SCN10A: variants seen among roughly 807,000 people sequenced by gnomAD.
SCN10A encodes the protein sodium voltage-gated channel alpha subunit 10.
A neutral mutation model predicts 170.7 loss-of-function variants in SCN10A; 162 were observed. The observed-to-expected ratio is 0.95, with a 90% CI of 0.84 to 1.08. The LOEUF (loss-of-function observed/expected upper bound fraction) is 1.08, where lower values mean the gene tolerates loss of function less well. Ranked by LOEUF, SCN10A falls within the 50% of genes least tolerant of loss-of-function variation. SCN10A has a pLI of 0.00. For missense variants in SCN10A, 2,527 were observed against 2,436.9 expected (o/e 1.04, Z -0.78); for synonymous variants, 985 against 904.6 (o/e 1.09, Z -1.59).
At chr3:38,778,163 C>T (rs544487528) in intron 4 of SCN10A, among the ~76,000 whole-genome samples, 1 of 151,984 alleles carries the variant, frequency 6.6e-6, no homozygotes, top group Non-Finnish European at 1.5e-5. Context: ...CCCACTTCCC[C>T]GTTTGCAGTA....
At chr3:38,782,480 T>G (rs1184116203) in intron 4 of SCN10A, among the ~76,000 whole-genome samples, 2 of 152,098 alleles carry the variant, frequency 1.3e-5, no homozygotes, top group African/African-American at 2.4e-5. Flanking sequence ...TCTTTGTTCT[T>G]GTATATTTAT....
rs2064283204 is a variant in SCN10A at position 38,791,715 on chromosome 3, C to G, written c.389+335G>C. Among the ~76,000 whole-genome samples the G allele has an allele frequency of 2.0e-5, 3 of 152,272 alleles. No individual in the cohort carries two copies. In the South Asian group the frequency reaches 6.2e-4, roughly 32 times the overall value. ...CTGTTGTGTTGTGGGGAAAGCGGAC[C>G]ACACACCGTGGTGAGAATGTGTCTG... On this transcript the variant is annotated intron_variant, in intron 3 of 27. Transcript: ENST00000449082.
At chr3:38,747,946 G>A (rs2063708618) in intron 13 of SCN10A, among the ~76,000 whole-genome samples, 1 of 151,974 alleles carries the variant, frequency 6.6e-6, no homozygotes, top group African/African-American at 2.4e-5. Flanking sequence ...TTCCCTGCTA[G>A]GATGTAGATT....
chr3:38,785,681 C>A (rs1338282277), intron 4 of SCN10A, among the ~76,000 whole-genome samples: 1 of 152,130 alleles, frequency 6.6e-6, no homozygotes, highest in Non-Finnish European at 1.5e-5. Flanking sequence ...AAACTATCAT[C>A]AGAGTGAATA....
chr3:38,716,629 T>G (rs574752911), intron 21 of SCN10A, among the ~76,000 whole-genome samples: 97 of 152,262 alleles, frequency 6.4e-4, no homozygotes, highest in African/African-American at 2.2e-3. Context: ...AAAATATATT[T>G]TTTAAAATTT....
At position 38,711,724 on chromosome 3, in the gene SCN10A, G is replaced by C. The variant is rs139914498; in HGVS notation, c.4089+437C>G. ...AGAAATGAGTGATTGACTGGATGATGAAAGAAAGAAAGACAGGATGAATGT... is the reference window on the plus strand; with the variant it reads ...AGAAATGAGTGATTGACTGGATGATCAAAGAAAGAAAGACAGGATGAATGT... On this transcript the variant is annotated intron_variant, in intron 23 of 27. Coordinates refer to ENST00000449082, the MANE Select transcript of SCN10A (RefSeq NM_006514.4). Among the ~76,000 whole-genome samples, 165 of 152,268 alleles carry C rather than the reference G, an allele frequency of 1.1e-3. 2 individuals carry two copies. In the Middle Eastern group the frequency reaches 0.014, roughly 13 times the overall value.
intron 1 of SCN10A, among the ~76,000 whole-genome samples, chr3:38,800,377 G>T (rs896289520): frequency 6.6e-6 from 1 of 152,164 alleles, no homozygotes; most frequent in Non-Finnish European, 1.5e-5. Context: ...GTGAGGCCCA[G>T]GGGGCCCCAT....
chr3:38,746,073 A>G (rs866647828), intron 13 of SCN10A, among the ~76,000 whole-genome samples: 2,007 of 94,860 alleles, frequency 0.021, 146 homozygotes, highest in African/African-American at 0.068. Context: ...GTATATATAT[A>G]TATATATATA....
intron 1 of SCN10A, among the ~76,000 whole-genome samples, chr3:38,812,275 T>C (rs778122210): frequency 6.6e-6 from 1 of 152,210 alleles, no homozygotes; most frequent in Non-Finnish European, 1.5e-5. Flanking sequence ...CATAGGAGCA[T>C]ATCCTATAAT....
chr3:38,731,069 A>G (rs1366425749), intron 15 of SCN10A, among the ~76,000 whole-genome samples: 4 of 152,256 alleles, frequency 2.6e-5, no homozygotes. Flanking sequence ...GACATATTAC[A>G]GTGAAACTGC....
At chr3:38,771,528 A>C in intron 4 of SCN10A, 121 bp from the exon 5 acceptor site, 2 of 966,938 alleles carry the variant, frequency 2.1e-6, no homozygotes, top group East Asian at 2.5e-5. Context: ...TGCAAAGAAT[A>C]TCACCAAGGT....
Position 38,801,828 on chromosome 3 carries a change from C to T in SCN10A, c.-32-7786G>A, listed in dbSNP as rs139738308. ...TAGGATTGTACCTTCTCATACTTCC[C>T]GTGGTTGCTCTTATCTACTTATATA... On this transcript the variant is annotated intron_variant, in intron 1 of 27. Coordinates refer to ENST00000449082, the MANE Select transcript of SCN10A (RefSeq NM_006514.4). Among the ~76,000 whole-genome samples, 13 of 152,246 alleles carry T rather than the reference C, an allele frequency of 8.5e-5. No individual in the cohort carries two copies. In the East Asian group the frequency reaches 2.1e-3, roughly 25 times the overall value.
At chr3:38,788,445 AC>A (rs1276955902) in intron 4 of SCN10A, among the ~76,000 whole-genome samples, 1 of 152,166 alleles carries the variant, frequency 6.6e-6, no homozygotes, top group African/African-American at 2.4e-5. Context: ...AAGCATGATA[AC>A]TTAAACAGCT....
rs2063456290 is a variant in SCN10A at position 38,726,483 on chromosome 3, G to T, written c.3087+123C>A. 7 of 737,800 alleles carry T rather than the reference G, an allele frequency of 9.5e-6. No individual in the cohort carries two copies. The South Asian group carries it at 1.4e-4, about 15-fold the overall frequency. The allele number at this position is 737,800 out of a possible 1,614,324, so 45.7% of individuals were successfully genotyped here. A position where few individuals can be genotyped will look rare whatever the true frequency, so the allele number is the denominator to read the frequency against. On this transcript the variant is annotated intron_variant, in intron 17 of 27. Coordinates refer to ENST00000449082, the MANE Select transcript of SCN10A (RefSeq NM_006514.4). Reference sequence around the variant, plus strand: ...GCTCAAACGCCAACTCCTCTGGAAAGCTTGGCATGGTTTAAACTTCTTTAT... The same window carrying T: ...GCTCAAACGCCAACTCCTCTGGAAATCTTGGCATGGTTTAAACTTCTTTAT...
intron 15 of SCN10A, among the ~76,000 whole-genome samples, chr3:38,737,449 T>A (rs1173169551): frequency 6.6e-6 from 1 of 152,198 alleles, no homozygotes; most frequent in Non-Finnish European, 1.5e-5. Flanking sequence ...GATTTAATTC[T>A]GACCTTGTAA....
intron 20 of SCN10A, among the ~76,000 whole-genome samples, chr3:38,721,741 A>G (rs530450174): frequency 1.3e-5 from 2 of 152,340 alleles, no homozygotes; most frequent in East Asian, 3.9e-4. Context: ...TGGGAGATTA[A>G]ATTTTGAGAA....
intron 20 of SCN10A, among the ~76,000 whole-genome samples, chr3:38,719,887 G>A (rs2063372257): frequency 6.6e-6 from 1 of 152,240 alleles, no homozygotes; most frequent in Admixed American, 6.5e-5. Flanking sequence ...TGCTGGGAGT[G>A]TCGGCTGCTA....
At chr3:38,777,829 T>A (rs548476386) in intron 4 of SCN10A, among the ~76,000 whole-genome samples, 11 of 152,020 alleles carry the variant, frequency 7.2e-5, no homozygotes, top group African/African-American at 2.7e-4. Context: ...AAATGATGTA[T>A]TGAAAAAAAT....
chr3:38,761,205 T>C lies in SCN10A; in HGVS notation c.870A>G (p.Ser290=), dbSNP rs957449207. ...DMAVNETTNY[S]SHRKPDIYIN... Reference sequence around the variant, plus strand: ...GACTCCACTCACGTTTTCTGTGAGATGAGTAGTTGGTTGTCTCATTGACAG... The same window carrying C: ...GACTCCACTCACGTTTTCTGTGAGACGAGTAGTTGGTTGTCTCATTGACAG... The change falls in exon 7 of 28, where the codon TCA becomes TCG. Residue 290 remains serine (S), a synonymous_variant. Transcript: ENST00000449082. 2 of 1,605,920 alleles carry C rather than the reference T, an allele frequency of 1.2e-6. No homozygotes were observed. Among genetic ancestry groups the C allele is most frequent in the South Asian group, 1.1e-5 (1 of 90,222 alleles).
Sources: allele counts gnomAD v4.1 joint callset (sites outside exome capture counted in the v4.1 genomes callset), GRCh38; gene constraint gnomAD v4.1.1; transcripts MANE v1.5; gene names NCBI Gene and HGNC (gene_info 2026-07-23, HGNC 2026-07-21).